Variants in TSPEAR observed in about 807,000 individuals in gnomAD.
TSPEAR encodes thrombospondin-type laminin G domain and EAR repeat-containing protein.
TSPEAR carries 69 observed loss-of-function variants against 71.6 expected under a neutral mutation model. That is an observed-to-expected ratio of 0.96 (90% CI 0.79 to 1.18). TSPEAR has a LOEUF of 1.18. Among genes scored for constraint, TSPEAR ranks in the 50% most tolerant of loss-of-function variants. The probability of loss-of-function intolerance (pLI) is 0.00; values close to 1 mark genes in which losing one functional copy is unlikely to be tolerated. For missense variants in TSPEAR, 971 were observed against 894.9 expected (o/e 1.09, Z -1.09); for synonymous variants, 402 against 387.2 (o/e 1.04, Z -0.45).
chr21:44,557,886 G>T, intron 2 of TSPEAR: 1 of 816,224 alleles, frequency 1.2e-6, no homozygotes. Flanking sequence ...ATGAGGGTGT[G>T]GGAGAGATGC....
chr21:44,581,088 G>A (rs782080257), intron 1 of TSPEAR, among the ~76,000 whole-genome samples: 3 of 152,188 alleles, frequency 2.0e-5, no homozygotes, highest in Non-Finnish European at 4.4e-5. Flanking sequence ...ATGAAGCTAA[G>A]TGGCCCTCTC....
At chr21:44,680,372 T>C (rs1213997945) in intron 1 of TSPEAR, among the ~76,000 whole-genome samples, 2 of 152,162 alleles carry the variant, frequency 1.3e-5, no homozygotes, top group East Asian at 3.8e-4. Flanking sequence ...AGAATGGCTA[T>C]TATCAAAAAG....
rs868906591 is a variant in TSPEAR at position 44,583,392 on chromosome 21, G to A, written c.83-15387C>T. ...CTGCCCAGCACAACTCTGGAGACGC[G>A]ATGACAGCAGCCCTCTGGTCTTGTT... On this transcript the variant is annotated intron_variant, in intron 1 of 11. Coordinates refer to ENST00000323084, the MANE Select transcript of TSPEAR (RefSeq NM_144991.3). Among the ~76,000 whole-genome samples, 17 of 152,344 alleles carry A rather than the reference G, an allele frequency of 1.1e-4. No individual in the cohort carries two copies. The East Asian group carries it at 1.9e-3, about 17-fold the overall frequency.
At chr21:44,659,542 T>G (rs887873414) in intron 1 of TSPEAR, among the ~76,000 whole-genome samples, 2 of 152,162 alleles carry the variant, frequency 1.3e-5, no homozygotes, top group African/African-American at 4.8e-5. Context: ...ATGTCTGATA[T>G]TCAATAAAAA....
chr21:44,668,524 C>T (rs782542572), intron 1 of TSPEAR, among the ~76,000 whole-genome samples: 7 of 152,190 alleles, frequency 4.6e-5, no homozygotes, highest in African/African-American at 7.2e-5. Flanking sequence ...ACATTTCTTG[C>T]AGAAATAGAA....
intron 1 of TSPEAR, among the ~76,000 whole-genome samples, chr21:44,701,742 C>G (rs1159016602): frequency 2.3e-5 from 2 of 85,112 alleles, no homozygotes; most frequent in African/African-American, 6.8e-5. Context: ...ACCTGCCACT[C>G]CCCTCCGGCT....
At chr21:44,645,545 G>C (rs781929589) in intron 1 of TSPEAR, among the ~76,000 whole-genome samples, 1 of 151,676 alleles carries the variant, frequency 6.6e-6, no homozygotes, top group Non-Finnish European at 1.5e-5. Flanking sequence ...GTAGAGACCG[G>C]GTTTCACCAT....
At chr21:44,508,320 TTG>T (rs1200737217) in intron 10 of TSPEAR, 2 of 224,442 alleles carry the variant, frequency 8.9e-6, no homozygotes, top group African/African-American at 4.6e-5. Flanking sequence ...GTATGTGTTG[TTG>T]TGTGTCTCAA....
At chr21:44,644,071 C>T (rs1407844834) in intron 1 of TSPEAR, among the ~76,000 whole-genome samples, 1 of 152,262 alleles carries the variant, frequency 6.6e-6, no homozygotes, top group African/African-American at 2.4e-5. Context: ...CGGCACCTCC[C>T]TCTCCCAGCC....
intron 1 of TSPEAR, chr21:44,579,944 G>T: frequency 6.2e-7 from 1 of 1,614,148 alleles, no homozygotes; most frequent in Non-Finnish European, 8.5e-7. Context: ...GCAGCAGGAG[G>T]TGGTGCAGCA....
At chr21:44,599,878 G>A (rs1980662317) in intron 1 of TSPEAR, among the ~76,000 whole-genome samples, 1 of 152,188 alleles carries the variant, frequency 6.6e-6, no homozygotes, top group African/African-American at 2.4e-5. Context: ...TTTTTGCGGA[G>A]GAGGTGTTCT....
intron 1 of TSPEAR, chr21:44,677,906 G>T: frequency 7.1e-7 from 1 of 1,400,190 alleles, no homozygotes; most frequent in Non-Finnish European, 1.0e-6. Context: ...ATAGGATAGT[G>T]CCACCAATAC....
chr21:44,525,782 T>C lies in TSPEAR; in HGVS notation c.1207A>G (p.Ile403Val). The change falls in exon 8 of 12, where the codon ATT becomes GTT. Residue 403 changes from isoleucine to valine, a missense_variant. Physicochemically the swap from Ile to Val is conservative, Grantham distance 29 (BLOSUM62 3). Transcript: ENST00000323084. ...AGCTTTCTGTGGCTCCATTTGTAAA[T>C]GACAGAGAACTCCTGACCCTTCTCA... The part of the protein sequence containing the change: ...PDEKGQEFSV[I>V]YKWSHRKLKF... 6.2e-7 allele frequency: 1 copy of C among 1,614,152 alleles called. No homozygotes were observed. Among genetic ancestry groups the C allele is most frequent in the Non-Finnish European group, 8.5e-7 (1 of 1,180,036 alleles).
chr21:44,517,970 G>GT, intron 9 of TSPEAR: 1 of 413,150 alleles, frequency 2.4e-6, no homozygotes, highest in Non-Finnish European at 5.0e-6. Context: ...TAGAACTTTG[G>GT]TTAGCCAGAT....
In TSPEAR at chr21:44,646,181, G is replaced by T. The variant is rs587635792; in HGVS notation, c.82+65252C>A. Reference sequence around the variant, plus strand: ...GAAATATTTTCCACCACATTTCTGTGGCCAAAATAAAAACTGATGAAGAAA... The same window carrying T: ...GAAATATTTTCCACCACATTTCTGTTGCCAAAATAAAAACTGATGAAGAAA... On this transcript the variant is annotated intron_variant, in intron 1 of 11. Transcript: ENST00000323084. Among the ~76,000 whole-genome samples the T allele has an allele frequency of 5.8e-4, 83 of 144,284 alleles. 1 individual carries two copies. The South Asian group carries it at 6.2e-3, about 11-fold the overall frequency. 94.7% of individuals were successfully genotyped at this position (144,284 alleles called of 152,430 possible). A position where few individuals can be genotyped will look rare whatever the true frequency, so the allele number is the denominator to read the frequency against.
chr21:44,554,268 AAG>A (rs1418771034), intron 2 of TSPEAR, among the ~76,000 whole-genome samples: 1 of 152,216 alleles, frequency 6.6e-6, no homozygotes, highest in East Asian at 1.9e-4. Context: ...GTAGACCAGG[AAG>A]AGAGCCCTCT....
intron 1 of TSPEAR, among the ~76,000 whole-genome samples, chr21:44,582,143 A>T (rs1979018839): frequency 6.6e-6 from 1 of 152,246 alleles, no homozygotes; most frequent in Admixed American, 6.5e-5. Flanking sequence ...GGATGACGTC[A>T]TATCAGCGGG....
intron 1 of TSPEAR, among the ~76,000 whole-genome samples, chr21:44,701,670 C>T (rs1235587839): frequency 2.0e-5 from 3 of 152,036 alleles, no homozygotes; most frequent in Non-Finnish European, 4.4e-5. Context: ...TCGTGGTCCT[C>T]TGAGGATCCA....
intron 1 of TSPEAR, among the ~76,000 whole-genome samples, chr21:44,585,880 T>A (rs782551555): frequency 9.2e-5 from 14 of 152,236 alleles, no homozygotes; most frequent in Non-Finnish European, 1.8e-4. Flanking sequence ...CGTTTTTAAG[T>A]GAGGGTCTAA....
Sources: allele counts gnomAD v4.1 joint callset (sites outside exome capture counted in the v4.1 genomes callset), GRCh38; gene constraint gnomAD v4.1.1; transcripts MANE v1.5; gene names NCBI Gene and HGNC (gene_info 2026-07-23, HGNC 2026-07-21).